The following IL18RAP variants were observed in gnomAD, a reference collection of about 807,000 sequenced individuals.
IL18RAP encodes the protein interleukin-18 receptor accessory protein.
IL18RAP carries 37 observed loss-of-function variants against 58.1 expected under a neutral mutation model. The observed-to-expected ratio is 0.64, with a 90% CI of 0.49 to 0.84. The LOEUF is 0.84. Ranked by LOEUF, IL18RAP falls within the 40% of genes least tolerant of loss-of-function variation. The probability of loss-of-function intolerance (pLI) is 0.00; values close to 1 mark genes in which losing one functional copy is unlikely to be tolerated. For synonymous variants in IL18RAP, 268 were observed against 257.5 expected, an observed-to-expected ratio of 1.04 and a Z score of -0.39; for missense variants, 667 against 704.8, an observed-to-expected ratio of 0.95 and a Z score of 0.61.
chr2:102,438,941 G>C (rs963061202), intron 4 of IL18RAP: 1 of 152,276 alleles, frequency 6.6e-6, no homozygotes. Flanking sequence ...GGGGAAGCCC[G>C]CTCCAAGTGA....
chr2:102,429,867 A>G (rs1434850063), intron 3 of IL18RAP, among the ~76,000 whole-genome samples: 2 of 151,956 alleles, frequency 1.3e-5, no homozygotes, highest in Non-Finnish European at 2.9e-5. Flanking sequence ...GCATATGTGC[A>G]TATTTTCCAA....
intron 7 of IL18RAP, among the ~76,000 whole-genome samples, chr2:102,446,793 T>TG (rs1332817866): frequency 2.2e-5 from 2 of 90,306 alleles, no homozygotes; most frequent in Non-Finnish European, 4.3e-5. Context: ...AGACTCCGTC[T>TG]CCAAAAAAAA....
At position 102,424,316 on chromosome 2, in the gene IL18RAP, C is replaced by CAT; in HGVS notation, c.483_484dup (p.Lys162IlefsTer29). 5 of 1,614,084 alleles carry CAT rather than the reference C, an allele frequency of 3.1e-6. No homozygotes were observed. Among genetic ancestry groups the CAT allele is most frequent in the Non-Finnish European group, 4.2e-6 (5 of 1,179,972 alleles). On this transcript the variant is annotated frameshift_variant, in exon 3 of 10. Coordinates refer to ENST00000687160, the MANE Select transcript of IL18RAP (RefSeq NM_001393487.1). LOFTEE classifies it high-confidence loss of function. Reference sequence around the variant, plus strand: ...TGCATCCTGTGAGTATTCCGCATCACATAAGCAAGACCTACTTCTTGGGAG... The same window carrying CAT: ...TGCATCCTGTGAGTATTCCGCATCACATATAAGCAAGACCTACTTCTTGGGAG...
At chr2:102,443,552 T>G (rs1043341059) in intron 6 of IL18RAP, among the ~76,000 whole-genome samples, 1 of 152,198 alleles carries the variant, frequency 6.6e-6, no homozygotes, top group Non-Finnish European at 1.5e-5. Flanking sequence ...AGTCAAGCTA[T>G]TGAGCAGACA....
At chr2:102,442,968 AC>A (rs1171259403) in intron 5 of IL18RAP, among the ~76,000 whole-genome samples, 2 of 152,210 alleles carry the variant, frequency 1.3e-5, no homozygotes, top group African/African-American at 4.8e-5. Flanking sequence ...CATTTTAAGA[AC>A]ATATAGTCAT....
upstream of IL18RAP, among the ~76,000 whole-genome samples, chr2:102,420,994 C>T (rs1336150336): frequency 1.3e-5 from 2 of 152,162 alleles, no homozygotes; most frequent in East Asian, 1.9e-4. Context: ...ATCTGCTCTT[C>T]AGGAGCTCCC....
Position 102,451,996 on chromosome 2 carries a change from T to C in IL18RAP, c.1615T>C (p.Trp539Arg). ...TCTCAGGGTTTTGCCCACAGTTACT[T>C]GGAGAGGCTTAAAATCAGTTCCTCC... ...KALRVLPTVT[W>R]RGLKSVPPNS... The change falls in exon 10 of 10, where the codon TGG becomes CGG. Residue 539 changes from tryptophan to arginine, a missense_variant. Physicochemically the swap from Trp to Arg is moderately radical, Grantham distance 101 (BLOSUM62 -3). Coordinates refer to ENST00000687160, the MANE Select transcript of IL18RAP (RefSeq NM_001393487.1). The C allele has an allele frequency of 6.2e-7, 1 of 1,614,148 alleles. No homozygotes were observed. The highest frequency in any genetic ancestry group is 8.5e-7 in the Non-Finnish European group (1 of 1,180,020).
upstream of IL18RAP, among the ~76,000 whole-genome samples, chr2:102,422,396 C>A (rs1237654802): frequency 6.6e-6 from 1 of 152,160 alleles, no homozygotes; most frequent in Non-Finnish European, 1.5e-5. Flanking sequence ...AGTTCATCTG[C>A]CCTCCCTTAT....
intron 7 of IL18RAP, among the ~76,000 whole-genome samples, chr2:102,445,685 C>T (rs918160450): frequency 1.3e-5 from 2 of 152,280 alleles, no homozygotes; most frequent in South Asian, 4.1e-4. Flanking sequence ...GACCTAGCCT[C>T]CTTTCCAATT....
At chr2:102,444,814 T>A (rs1683314216) in intron 6 of IL18RAP, among the ~76,000 whole-genome samples, 1 of 152,176 alleles carries the variant, frequency 6.6e-6, no homozygotes, top group South Asian at 2.1e-4. Flanking sequence ...AGGTGAGGAA[T>A]GGAGGACATT....
chr2:102,448,247 T>C (rs1683551944), intron 8 of IL18RAP, among the ~76,000 whole-genome samples: 1 of 152,172 alleles, frequency 6.6e-6, no homozygotes, highest in Admixed American at 6.5e-5. Context: ...TGGGCACAGG[T>C]TGTCTGGCTT....
At chr2:102,436,991 C>G (rs773912199) in intron 3 of IL18RAP, among the ~76,000 whole-genome samples, 1 of 152,108 alleles carries the variant, frequency 6.6e-6, no homozygotes, top group Non-Finnish European at 1.5e-5. Flanking sequence ...AGGTTTGACT[C>G]TCTCATCTCT....
At chr2:102,445,090 TA>T in intron 6 of IL18RAP, 98 bp from the exon 7 acceptor site, 3 of 1,071,826 alleles carry the variant, frequency 2.8e-6, no homozygotes, top group Non-Finnish European at 4.1e-6. Flanking sequence ...CACAGTTCTC[TA>T]AAAGCCAAAC....
At chr2:102,437,834 T>C (rs541502988) in intron 4 of IL18RAP, among the ~76,000 whole-genome samples, 1 of 152,338 alleles carries the variant, frequency 6.6e-6, no homozygotes, top group African/African-American at 2.4e-5. Context: ...ATCATTTCCA[T>C]TTATGTTTTT....
upstream of IL18RAP, chr2:102,419,354 T>G (rs949625435): frequency 5.9e-5 from 9 of 152,226 alleles, no homozygotes; most frequent in African/African-American, 1.2e-4. Flanking sequence ...ATTAGTTAAA[T>G]TAAATACTGT....
At chr2:102,420,429 T>C (rs1489305230), upstream of IL18RAP, among the ~76,000 whole-genome samples, 1 of 152,238 alleles carries the variant, frequency 6.6e-6, no homozygotes, top group Non-Finnish European at 1.5e-5. Flanking sequence ...TGAGAAACAC[T>C]GTCCCAGAGT....
intron 3 of IL18RAP, among the ~76,000 whole-genome samples, chr2:102,426,007 T>G (rs1018077384): frequency 6.6e-6 from 1 of 152,296 alleles, no homozygotes; most frequent in South Asian, 2.1e-4. Context: ...GTACCTCTGA[T>G]ACAGATTTGG....
chr2:102,447,147 C>T lies in IL18RAP; in HGVS notation c.1150C>T (p.His384Tyr), dbSNP rs969035741. Residue 384 changes from histidine (H) to tyrosine (Y), a missense_variant, in exon 8 of 10, where the codon CAC becomes TAC. His to Tyr is a moderately conservative substitution (Grantham distance 83). Coordinates refer to ENST00000687160, the MANE Select transcript of IL18RAP (RefSeq NM_001393487.1). ...VLAASALLYR[H>Y]WIEIVLLYRT... Reference sequence around the variant, plus strand: ...GGCGGCGAGTGCCCTCCTCTACAGGCACTGGATTGAAATAGTGCTGCTGTA... The same window carrying T: ...GGCGGCGAGTGCCCTCCTCTACAGGTACTGGATTGAAATAGTGCTGCTGTA... 2.5e-6 allele frequency: 4 copies of T among 1,614,040 alleles called. No individual in the cohort carries two copies. The highest frequency in any genetic ancestry group is 4.5e-5 in the East Asian group (2 of 44,880).
intron 9 of IL18RAP, 142 bp from the exon 10 acceptor site, chr2:102,451,624 A>G (rs1043756225): frequency 1.8e-5 from 12 of 681,028 alleles, no homozygotes; most frequent in Non-Finnish European, 2.5e-6. Flanking sequence ...CGTATCTCCA[A>G]CTGGCAATAG....
Sources: gnomAD v4.1 joint callset for allele counts (sites outside exome capture counted in the v4.1 genomes callset) on GRCh38, gnomAD v4.1.1 for gene constraint, MANE v1.5 for transcripts, NCBI Gene and HGNC (gene_info 2026-07-23, HGNC 2026-07-21) for gene names.